GRHL3: variants seen among roughly 807,000 people sequenced by gnomAD.
GRHL3 encodes the protein grainyhead-like protein 3 homolog.
Under a neutral mutation model 70.3 loss-of-function variants are expected in GRHL3, and 20 were observed. The observed-to-expected ratio is 0.28, with a 90% CI of 0.20 to 0.41. The LOEUF (loss-of-function observed/expected upper bound fraction) is 0.41, where lower values mean the gene tolerates loss of function less well. Among genes scored for constraint, GRHL3 ranks in the 10% least tolerant of loss-of-function variants. The pLI is 1.00. For synonymous variants in GRHL3, 299 were observed against 299.9 expected (o/e 1.00, Z 0.03); for missense variants, 637 against 762.3 (o/e 0.84, Z 1.94).
intron 13 of GRHL3, 96 bp downstream of exon 13, chr1:24,346,737 G>T: frequency 1.1e-6 from 1 of 915,064 alleles, no homozygotes. Context: ...GGGGCACGAG[G>T]CGCTGCCTTA....
chr1:24,354,308 G>A (rs1249380550), intron 15 of GRHL3, 66 bp from the exon 16 acceptor site: 1 of 1,087,670 alleles, frequency 9.2e-7, no homozygotes, highest in Non-Finnish European at 1.4e-6. Context: ...ACTCATCCTG[G>A]TCACTCAGAA....
chr1:24,338,274 C>T (rs757905848), intron 7 of GRHL3, among the ~76,000 whole-genome samples, 171 bp downstream of exon 7: 3 of 152,206 alleles, frequency 2.0e-5, no homozygotes, highest in South Asian at 4.1e-4. Flanking sequence ...GAAGTTGTGG[C>T]GTCTTTTCTG....
At chr1:24,352,708 A>G (rs1640562911) in intron 15 of GRHL3, among the ~76,000 whole-genome samples, 1 of 151,960 alleles carries the variant, frequency 6.6e-6, no homozygotes, top group Non-Finnish European at 1.5e-5. Context: ...AGACAAAACA[A>G]CCCTGATTTT....
At chr1:24,343,688 C>T (rs1451932654) in intron 11 of GRHL3, among the ~76,000 whole-genome samples, 1 of 152,130 alleles carries the variant, frequency 6.6e-6, no homozygotes, top group Non-Finnish European at 1.5e-5. Flanking sequence ...CACGGTCCCA[C>T]AACAATTCAA....
At chr1:24,354,007 C>A (rs1388312844) in intron 15 of GRHL3, among the ~76,000 whole-genome samples, 1 of 152,214 alleles carries the variant, frequency 6.6e-6, no homozygotes, top group East Asian at 1.9e-4. Flanking sequence ...TGAACTCACA[C>A]TTCATGTCCG....
rs1278131083 is a variant in GRHL3, at chr1:24,342,538, G to C, written c.1207-156G>C. Among the ~76,000 whole-genome samples the C allele has an allele frequency of 1.3e-5, 2 of 152,208 alleles. No homozygotes were observed. Among genetic ancestry groups the C allele is most frequent in the African/African-American group, 4.8e-5 (2 of 41,444 alleles). The stretch of plus-strand genomic sequence containing the variant: ...GGGCCAGGCCCCACTGGCCAGGCTG[G>C]GCCAGGTAAGTGCTGGTACCTTCCC... On this transcript the variant is annotated intron_variant, in intron 9 of 15. Transcript: ENST00000361548. This position sits in a 1 kb window ranked among gnomAD's most constrained non-coding sequence, Gnocchi z 4.8.
intron 3 of GRHL3, among the ~76,000 whole-genome samples, chr1:24,335,584 A>ATTT (rs11382769): frequency 8.4e-5 from 12 of 142,908 alleles, no homozygotes; most frequent in African/African-American, 1.3e-4. Flanking sequence ...CTCAAAACTA[A>ATTT]TTTTTTTTTT....
chr1:24,319,802 G>A (rs760251028), intron 1 of GRHL3: 153 of 1,326,354 alleles, frequency 1.2e-4, no homozygotes, highest in Admixed American at 1.7e-4. Flanking sequence ...GAGCAGTTTC[G>A]AGCCAGGCAG....
downstream of GRHL3, chr1:24,357,354 C>T (rs936192335): frequency 6.6e-6 from 1 of 152,316 alleles, no homozygotes; most frequent in East Asian, 1.9e-4. Flanking sequence ...GAACTTCCCA[C>T]CCAGCTCCCC....
chr1:24,360,051 G>A (rs542319184), downstream of GRHL3, among the ~76,000 whole-genome samples: 34 of 152,286 alleles, frequency 2.2e-4, no homozygotes, highest in South Asian at 6.0e-3. Context: ...TGCCCGCCAC[G>A]AACTCGCTGC....
rs367756871 is a variant in GRHL3 at position 24,343,043 on chromosome 1, G to A, written c.1419+18G>A. ...CTGGAGGGGTGAGGCCAGGGCTGGG[G>A]TCTCGGGAAGGAGCCGAGAGAGGGT... On this transcript the variant is annotated intron_variant, in intron 11 of 15. Coordinates refer to ENST00000361548, the MANE Select transcript of GRHL3 (RefSeq NM_198173.3). The A allele has an allele frequency of 6.2e-6, 10 of 1,613,826 alleles. No individual in the cohort carries two copies. The African/African-American group carries it at 1.3e-4, about 22-fold the overall frequency.
chr1:24,338,045 C>A lies in GRHL3; in HGVS notation c.894C>A (p.Arg298=). 1 of 1,613,322 alleles carries A rather than the reference C, an allele frequency of 6.2e-7. No individual in the cohort carries two copies. The highest frequency in any genetic ancestry group is 8.5e-7 in the Non-Finnish European group (1 of 1,179,640). Residue 298 remains arginine, a synonymous_variant, in exon 7 of 16, where the codon CGC becomes CGA. Transcript: ENST00000361548. The part of the protein sequence containing the change: ...DNEKVPVEQL[R]FWKHWHSRQP... The stretch of plus-strand genomic sequence containing the variant: ...AGAAGGTCCCAGTAGAGCAGCTGCG[C>A]TTCTGGAAGCACTGGCATTCCCGGC...
At chr1:24,361,009 G>A (rs139547956) in intron 15 of GRHL3, 3 of 1,612,844 alleles carry the variant, frequency 1.9e-6, no homozygotes, top group Non-Finnish European at 2.5e-6. Context: ...CAGAGGCGAA[G>A]GCTGAGCAGA....
chr1:24,358,275 A>G (rs998951723), downstream of GRHL3: 8 of 648,458 alleles, frequency 1.2e-5, no homozygotes, highest in East Asian at 3.1e-5. Flanking sequence ...GTGGGGAAGC[A>G]GCCAGGGGGC....
In GRHL3 at chr1:24,350,339, T is replaced by G. The variant is rs6655974; in HGVS notation, c.1694+217T>G. Among the ~76,000 whole-genome samples, 40,713 of 151,982 alleles carry G rather than the reference T, an allele frequency of 0.27. 7,107 individuals are homozygous for G. The highest frequency in any genetic ancestry group is 0.49 in the African/African-American group (20,487 of 41,406). On this transcript the variant is annotated intron_variant, in intron 15 of 15. Coordinates refer to ENST00000361548, the MANE Select transcript of GRHL3 (RefSeq NM_198173.3). ...ACAAGTGGAAGGGTTGTTACATATA[T>G]GACCTCCTGGGTGGGGTGGAGGGAG... is the stretch of plus-strand genomic sequence containing the variant.
intron 15 of GRHL3, chr1:24,364,049 G>C: frequency 7.6e-7 from 1 of 1,309,214 alleles, no homozygotes; most frequent in Non-Finnish European, 9.9e-7. Context: ...TGCTGCTTCC[G>C]TTTTACCTTC....
At chr1:24,354,343 T>C (rs1045214637) in intron 15 of GRHL3, 31 bp from the exon 16 acceptor site, 1 of 1,511,512 alleles carries the variant, frequency 6.6e-7, no homozygotes, top group Non-Finnish European at 9.2e-7. Context: ...GCGCCTGCTG[T>C]GTTCCAACCA....
In GRHL3 at chr1:24,354,539, G is replaced by C. The variant is rs142818538; in HGVS notation, c.*51G>C. On this transcript the variant is annotated 3_prime_UTR_variant, in exon 16 of 16. Transcript: ENST00000361548. ...CGACCTGCAAGGGGCCAGCAGGGACGTGGCCCCACGCCACACACAACCTCT... is the reference window on the plus strand; with the variant it reads ...CGACCTGCAAGGGGCCAGCAGGGACCTGGCCCCACGCCACACACAACCTCT... 1 of 1,148,176 alleles carries C rather than the reference G, an allele frequency of 8.7e-7. No individual in the cohort carries two copies. Among genetic ancestry groups the C allele is most frequent in the Non-Finnish European group, 1.3e-6 (1 of 758,348 alleles). The allele number at this position is 1,148,176 out of a possible 1,614,324, so 71.1% of individuals were successfully genotyped here. A position where few individuals can be genotyped will look rare whatever the true frequency, so the allele number is the denominator to read the frequency against.
downstream of GRHL3, among the ~76,000 whole-genome samples, chr1:24,356,083 T>C (rs1470161963): frequency 1.3e-5 from 2 of 151,656 alleles, no homozygotes; most frequent in African/African-American, 4.9e-5. Context: ...GTATTTTTAG[T>C]AGAGACGGGG....
Sources: allele counts gnomAD v4.1 joint callset (sites outside exome capture counted in the v4.1 genomes callset), GRCh38; gene constraint gnomAD v4.1.1; non-coding constraint Gnocchi (gnomAD v3.1); transcripts MANE v1.5; gene names NCBI Gene and HGNC (gene_info 2026-07-23, HGNC 2026-07-21).